Variants in BRSK1 observed in about 807,000 individuals in gnomAD.
The protein encoded by BRSK1 is BR serine/threonine kinase 1, also known as serine/threonine-protein kinase BRSK1.
In BRSK1, 17 loss-of-function variants were observed where a neutral mutation model predicts 86.2. That is an observed-to-expected ratio of 0.20 (90% CI 0.14 to 0.30). BRSK1 has a LOEUF of 0.30. Ranked by LOEUF, BRSK1 falls within the 10% of genes least tolerant of loss-of-function variation. The pLI, the probability that BRSK1 is intolerant of heterozygous loss-of-function variation, is 1.00. For missense variants in BRSK1, 719 were observed against 1,071.9 expected (o/e 0.67, Z 4.60); for synonymous variants, 464 against 440.1 (o/e 1.05, Z -0.68).
intron 1 of BRSK1, 109 bp downstream of exon 1, chr19:55,284,687 GC>G: frequency 2.0e-6 from 2 of 990,866 alleles, no homozygotes; most frequent in Non-Finnish European, 2.6e-6. Flanking sequence ...AGACCCCTGG[GC>G]CCCTCATAGA....
At chr19:55,309,649 C>A (rs1438002049) in intron 18 of BRSK1, among the ~76,000 whole-genome samples, 1 of 152,152 alleles carries the variant, frequency 6.6e-6, no homozygotes, top group East Asian at 1.9e-4. Flanking sequence ...AAGGCCCCAC[C>A]CTCATGACCT....
Position 55,304,476 on chromosome 19 carries a change from G to C in BRSK1, c.1348-75G>C. Reference sequence around the variant, plus strand: ...GCACCGGGCCAGCGTCCGTGAGTGTGCGTGTGAGTGGGGCTCCTAGAGCCT... The same window carrying C: ...GCACCGGGCCAGCGTCCGTGAGTGTCCGTGTGAGTGGGGCTCCTAGAGCCT... On this transcript the variant is annotated intron_variant, in intron 13 of 18. Coordinates refer to ENST00000309383, the MANE Select transcript of BRSK1 (RefSeq NM_032430.2). The surrounding 1 kb of genome is among the most constrained non-coding windows in gnomAD (Gnocchi z 5.2). 1 of 1,448,236 alleles carries C rather than the reference G, an allele frequency of 6.9e-7. No homozygotes were observed. Among genetic ancestry groups the C allele is most frequent in the South Asian group, 1.4e-5 (1 of 68,984 alleles). 89.7% of individuals were successfully genotyped at this position (1,448,236 alleles called of 1,614,324 possible).
chr19:55,297,755 C>T (rs1371416228), intron 7 of BRSK1, among the ~76,000 whole-genome samples: 3 of 152,302 alleles, frequency 2.0e-5, no homozygotes, highest in Middle Eastern at 3.4e-3. Context: ...TCATCTGCAC[C>T]GTGGAAATAC....
At position 55,302,905 on chromosome 19, in the gene BRSK1, G is replaced by T; in HGVS notation, c.1028+38G>T. On this transcript the variant is annotated intron_variant, in intron 10 of 18. Transcript: ENST00000309383. The surrounding 1 kb of genome is among the most constrained non-coding windows in gnomAD (Gnocchi z 6.3). ...GACCCCTGCACCCGTGTACCCACGT[G>T]GGGCGAGCTGCAGCAGCTCCCTGCG... is the stretch of plus-strand genomic sequence containing the variant. 1 of 1,589,508 alleles carries T rather than the reference G, an allele frequency of 6.3e-7. No individual in the cohort carries two copies. Among genetic ancestry groups the T allele is most frequent in the South Asian group, 1.1e-5 (1 of 89,894 alleles).
chr19:55,299,366 TTTTGG>T (rs1199744080), intron 7 of BRSK1, among the ~76,000 whole-genome samples: 15 of 143,426 alleles, frequency 1.0e-4, no homozygotes, highest in East Asian at 3.9e-4. Context: ...TTATAATTTG[TTTTGG>T]TTTTTTTTTT....
intron 18 of BRSK1, among the ~76,000 whole-genome samples, chr19:55,309,184 A>G (rs1278168860): frequency 6.6e-6 from 1 of 152,070 alleles, no homozygotes; most frequent in Admixed American, 6.5e-5. Context: ...TAAACCCAGG[A>G]CAAATTGGTC....
chr19:55,304,693 C>T lies in BRSK1; in HGVS notation c.1490C>T (p.Ala497Val), dbSNP rs764238403. The T allele has an allele frequency of 2.0e-5, 29 of 1,482,056 alleles. No individual in the cohort carries two copies. Among genetic ancestry groups the T allele is most frequent in the Non-Finnish European group, 2.5e-5 (28 of 1,124,164 alleles). The allele number at this position is 1,482,056 out of a possible 1,614,324, so 91.8% of individuals were successfully genotyped here. The change falls in exon 14 of 19, where the codon GCC (alanine) becomes GTC (valine). Residue 497 changes from alanine to valine, a missense_variant. By Grantham distance (64) the Ala-to-Val change is moderately conservative (BLOSUM62 0). Coordinates refer to ENST00000309383, the MANE Select transcript of BRSK1 (RefSeq NM_032430.2). This position sits in a 1 kb window ranked among gnomAD's most constrained non-coding sequence, Gnocchi z 5.2. ...GGGGAGCAGCCCCCGCCCCCCAGTGCCCGCTCCACACCCCTGCCCGGCCCC... is the reference window on the plus strand; with the variant it reads ...GGGGAGCAGCCCCCGCCCCCCAGTGTCCGCTCCACACCCCTGCCCGGCCCC... Reference protein sequence around the residue: ...GAGEQPPPPSARSTPLPGPPG... With the variant: ...GAGEQPPPPSVRSTPLPGPPG...
At chr19:55,290,660 G>A (rs1461294134) in intron 4 of BRSK1, among the ~76,000 whole-genome samples, 1 of 121,008 alleles carries the variant, frequency 8.3e-6, no homozygotes, top group Non-Finnish European at 1.7e-5. Context: ...TTTTTTTTTT[G>A]AGACGGAGTC....
chr19:55,285,072 A>C (rs1600166725), intron 1 of BRSK1, among the ~76,000 whole-genome samples: 2 of 91,290 alleles, frequency 2.2e-5, no homozygotes, highest in Admixed American at 1.1e-4. Context: ...GGAGGAGGGG[A>C]CTGGGGTCCT....
intron 4 of BRSK1, among the ~76,000 whole-genome samples, chr19:55,291,663 A>T (rs2122945974): frequency 6.6e-6 from 1 of 152,210 alleles, no homozygotes; most frequent in South Asian, 2.1e-4. Context: ...TCTCACTAAG[A>T]TGTGTTTTTG....
rs2088338366 is a variant in BRSK1, at chr19:55,287,613, C to G, written c.317+314C>G. Among the ~76,000 whole-genome samples, 1 of 152,270 alleles carries G rather than the reference C, an allele frequency of 6.6e-6. No homozygotes were observed. The highest frequency in any genetic ancestry group is 2.4e-5 in the African/African-American group (1 of 41,476). ...CAAGCAGGGTGCCCTCGACCAGACC[C>G]AATCTGCTATGGGCAGATGCCTCCT... On this transcript the variant is annotated intron_variant, in intron 3 of 18. Coordinates refer to ENST00000309383, the MANE Select transcript of BRSK1 (RefSeq NM_032430.2). This position sits in a 1 kb window ranked among gnomAD's most constrained non-coding sequence, Gnocchi z 5.3.
intron 1 of BRSK1, among the ~76,000 whole-genome samples, chr19:55,286,598 C>T (rs1176385077): frequency 6.8e-6 from 1 of 147,200 alleles, no homozygotes; most frequent in Non-Finnish European, 1.5e-5. Context: ...CATAGGGTCT[C>T]CAAAAGATTG....
chr19:55,301,418 C>T, intron 7 of BRSK1, 94 bp from the exon 8 acceptor site: 1 of 1,459,374 alleles, frequency 6.9e-7, no homozygotes, highest in Non-Finnish European at 9.2e-7. Context: ...AGTTTCCAAC[C>T]CCTTAAGGTG....
At chr19:55,293,134 C>T (rs960377872) in intron 4 of BRSK1, among the ~76,000 whole-genome samples, 21 of 150,962 alleles carry the variant, frequency 1.4e-4, no homozygotes, top group South Asian at 4.2e-4. Context: ...CCAAGGCAGG[C>T]GGATCACCTG....
intron 16 of BRSK1, 127 bp downstream of exon 16, chr19:55,305,713 G>T: frequency 2.8e-6 from 4 of 1,432,728 alleles, no homozygotes; most frequent in Non-Finnish European, 3.8e-6. Flanking sequence ...TAGTTTTATG[G>T]CCAGAGTTGG....
At chr19:55,290,243 G>T (rs535519843) in intron 4 of BRSK1, among the ~76,000 whole-genome samples, 3 of 152,132 alleles carry the variant, frequency 2.0e-5, no homozygotes, top group African/African-American at 7.2e-5. Context: ...TGATCTGCCC[G>T]CCTAGGCCTC....
Position 55,295,072 on chromosome 19 carries a change from G to T in BRSK1, c.678+675G>T, listed in dbSNP as rs1696350586. On this transcript the variant is annotated intron_variant, in intron 7 of 18. Transcript: ENST00000309383. ...CCTCCTCGGCCTCCCAGAATGCTGG[G>T]ATTACAAGTATGAGCCATCGTGCCC... 2.0e-5 allele frequency among the ~76,000 whole-genome samples: 3 copies of T among 152,042 alleles called. No individual in the cohort carries two copies. The South Asian group carries it at 6.2e-4, about 32-fold the overall frequency.
Position 55,303,300 on chromosome 19 carries a change from C to G in BRSK1, c.1029-11C>G, listed in dbSNP as rs2088599847. Reference sequence around the variant, plus strand: ...GCTACCTCTTTCCACCTTTCCCACCCCCTGCCTTAGGGAGAACCAAGAAAA... The same window carrying G: ...GCTACCTCTTTCCACCTTTCCCACCGCCTGCCTTAGGGAGAACCAAGAAAA... On this transcript the variant is annotated splice_polypyrimidine_tract_variant and intron_variant, in intron 10 of 18. Transcript: ENST00000309383. The surrounding 1 kb of genome is among the most constrained non-coding windows in gnomAD (Gnocchi z 5.1). 5 of 1,609,066 alleles carry G rather than the reference C, an allele frequency of 3.1e-6. No homozygotes were observed. The highest frequency in any genetic ancestry group is 2.6e-6 in the Non-Finnish European group (3 of 1,175,632).
chr19:55,289,115 G>T (rs887721832), intron 3 of BRSK1, among the ~76,000 whole-genome samples: 1 of 152,134 alleles, frequency 6.6e-6, no homozygotes, highest in Non-Finnish European at 1.5e-5. Context: ...TGACCTTCAG[G>T]TGCTAATAGA....
Sources: allele counts gnomAD v4.1 joint callset (sites outside exome capture counted in the v4.1 genomes callset), GRCh38; gene constraint gnomAD v4.1.1; non-coding constraint Gnocchi (gnomAD v3.1); transcripts MANE v1.5; gene names NCBI Gene and HGNC (gene_info 2026-07-23, HGNC 2026-07-21).